Variants in PDE1C observed in about 807,000 individuals in gnomAD.
PDE1C encodes phosphodiesterase 1C, also known as dual specificity calcium/calmodulin-dependent 3',5'-cyclic nucleotide phosphodiesterase 1C.
In PDE1C, 62 loss-of-function variants were observed where a neutral mutation model predicts 93.1. The ratio of observed to expected loss-of-function variants is 0.67; its 90% confidence interval spans 0.54 to 0.82. The LOEUF is 0.82. Ranked by LOEUF, PDE1C falls within the 40% of genes least tolerant of loss-of-function variation. The probability of loss-of-function intolerance (pLI) is 0.00; values close to 1 mark genes in which losing one functional copy is unlikely to be tolerated. For synonymous variants in PDE1C, 325 were observed against 310.1 expected (o/e 1.05, Z -0.50); for missense variants, 742 against 884.6 (o/e 0.84, Z 2.04).
intron 1 of PDE1C, among the ~76,000 whole-genome samples, chr7:32,408,868 G>A (rs1466624108): frequency 6.6e-6 from 1 of 152,124 alleles, no homozygotes; most frequent in Non-Finnish European, 1.5e-5. Flanking sequence ...AAGTCTAGAT[G>A]AAAAAGAAAA....
intron 1 of PDE1C, among the ~76,000 whole-genome samples, chr7:32,067,240 C>G (rs544791617): frequency 5.9e-5 from 9 of 152,232 alleles, no homozygotes; most frequent in African/African-American, 2.2e-4. Flanking sequence ...ATATGTAAAA[C>G]AGCTCTATGT....
chr7:32,174,004 C>G (rs1238961038), intron 2 of PDE1C, among the ~76,000 whole-genome samples: 1 of 152,174 alleles, frequency 6.6e-6, no homozygotes, highest in East Asian at 1.9e-4. Flanking sequence ...TGGAAGGAAA[C>G]AGATTCCTCA....
At chr7:31,799,352 T>C (rs73686973) in intron 16 of PDE1C, among the ~76,000 whole-genome samples, 1,752 of 151,786 alleles carry the variant, frequency 0.012, 34 homozygotes, top group African/African-American at 0.04. Context: ...CCTCACCCTA[T>C]AGGCAACTAA....
rs147441888 is a variant in PDE1C, at chr7:32,212,207, C to T, written c.86-2668G>A. Among the ~76,000 whole-genome samples, 465 of 152,146 alleles carry T rather than the reference C, an allele frequency of 3.1e-3. 4 individuals are homozygous for T. The highest frequency in any genetic ancestry group is 5.0e-3 in the Non-Finnish European group (343 of 67,994). On this transcript the variant is annotated intron_variant, in intron 1 of 18. Coordinates refer to the PDE1C transcript ENST00000396193. ...CTCAGCTTGGAGTGTGCACATTCTC[C>T]AAGAGTGTGCACATTCCTCCAAGAA...
intron 3 of PDE1C, among the ~76,000 whole-genome samples, chr7:32,141,734 G>T (rs1012861510): frequency 4.6e-5 from 7 of 152,116 alleles, no homozygotes; most frequent in Admixed American, 4.6e-4. Flanking sequence ...AAAGGACATT[G>T]GTAGGGAAAT....
intron 14 of PDE1C, among the ~76,000 whole-genome samples, chr7:31,819,692 A>G (rs963769894): frequency 2.0e-5 from 3 of 152,030 alleles, no homozygotes; most frequent in African/African-American, 7.2e-5. Flanking sequence ...GTTCTACCCC[A>G]CAATGCATGT....
intron 1 of PDE1C, among the ~76,000 whole-genome samples, chr7:32,054,207 C>T (rs919946795): frequency 6.6e-6 from 1 of 152,152 alleles, no homozygotes; most frequent in Non-Finnish European, 1.5e-5. Flanking sequence ...TGAAACCTCT[C>T]TGACACCGTT....
chr7:32,001,035 A>C (rs1461391345), intron 2 of PDE1C, among the ~76,000 whole-genome samples: 1 of 151,886 alleles, frequency 6.6e-6, no homozygotes, highest in Non-Finnish European at 1.5e-5. Flanking sequence ...GGGAGGGTGG[A>C]GACAGCAAAA....
Position 32,126,657 on chromosome 7 carries a change from T to C in PDE1C, c.308+43128A>G, listed in dbSNP as rs370992150. Reference sequence around the variant, plus strand: ...GCAGAAAACAATTTTAGATAACTATTTGTCATCCCCAATATCATAGTACAA... The same window carrying C: ...GCAGAAAACAATTTTAGATAACTATCTGTCATCCCCAATATCATAGTACAA... On this transcript the variant is annotated intron_variant, in intron 3 of 18. Coordinates refer to the PDE1C transcript ENST00000396193. 5.3e-5 allele frequency among the ~76,000 whole-genome samples: 8 copies of C among 152,274 alleles called. No homozygotes were observed. In the East Asian group the frequency reaches 5.8e-4, roughly 11 times the overall value.
chr7:32,271,849 G>T (rs1023925102), intron 1 of PDE1C, among the ~76,000 whole-genome samples: 2 of 152,196 alleles, frequency 1.3e-5, no homozygotes, highest in Non-Finnish European at 2.9e-5. Flanking sequence ...ACATGCAGCA[G>T]GACTTTTTGC....
intron 2 of PDE1C, among the ~76,000 whole-genome samples, chr7:31,908,527 C>T (rs896398140): frequency 6.6e-6 from 1 of 152,100 alleles, no homozygotes; most frequent in Non-Finnish European, 1.5e-5. Flanking sequence ...CTGTGCCATG[C>T]CACATATATA....
At chr7:32,155,034 G>A (rs775804708) in intron 3 of PDE1C, among the ~76,000 whole-genome samples, 11 of 152,240 alleles carry the variant, frequency 7.2e-5, no homozygotes, top group Non-Finnish European at 1.3e-4. Context: ...GGAAATGGCA[G>A]GAAATGAGCA....
intron 3 of PDE1C, among the ~76,000 whole-genome samples, chr7:32,130,887 T>C (rs1012025240): frequency 6.6e-6 from 1 of 152,114 alleles, no homozygotes; most frequent in African/African-American, 2.4e-5. Flanking sequence ...CCTCATCTCA[T>C]GATCTGCCCA....
intron 3 of PDE1C, among the ~76,000 whole-genome samples, chr7:32,117,622 C>T (rs894941127): frequency 6.6e-5 from 10 of 152,178 alleles, no homozygotes; most frequent in African/African-American, 2.4e-4. Context: ...CATGTGCATA[C>T]CAGGATCTAC....
chr7:32,308,179 G>C (rs967600960), intron 1 of PDE1C, among the ~76,000 whole-genome samples: 3 of 152,252 alleles, frequency 2.0e-5, no homozygotes, highest in Non-Finnish European at 4.4e-5. Flanking sequence ...CAGCAAGGCT[G>C]GGGGAGGGGC....
At chr7:31,754,127 T>C (rs531680692) in intron 17 of PDE1C, among the ~76,000 whole-genome samples, 2 of 152,286 alleles carry the variant, frequency 1.3e-5, no homozygotes, top group South Asian at 4.1e-4. Flanking sequence ...GATGTATGTG[T>C]CAAATAAGCA....
chr7:32,023,570 T>A lies in PDE1C; in HGVS notation c.128+27984A>T, dbSNP rs374526757. ...AATCGTAAGACAAAATTTTGGCACA[T>A]CCGTACCGTGGATGACTATTTAGCA... On this transcript the variant is annotated intron_variant, in intron 2 of 17. Coordinates refer to ENST00000396191, the MANE Select transcript of PDE1C (RefSeq NM_001191057.4). Among the ~76,000 whole-genome samples the A allele has an allele frequency of 9.9e-5, 15 of 151,952 alleles. 3 individuals are homozygous for A. Among genetic ancestry groups the A allele is most frequent in the Admixed American group, 6.6e-5 (1 of 15,244 alleles).
chr7:32,066,177 C>T (rs937943538), intron 1 of PDE1C, among the ~76,000 whole-genome samples: 2 of 152,168 alleles, frequency 1.3e-5, no homozygotes, highest in Admixed American at 1.3e-4. Context: ...GATCCATACC[C>T]TACTTGAAAC....
At chr7:31,668,250 T>C in the PDE1C span, among the ~76,000 whole-genome samples, 18 of 152,136 alleles carry the variant, frequency 1.2e-4, no homozygotes, top group African/African-American at 3.4e-4. Flanking sequence ...TTGTAGCCAC[T>C]TTAGAAAATA....
Sources: allele counts gnomAD v4.1 joint callset (sites outside exome capture counted in the v4.1 genomes callset), GRCh38; gene constraint gnomAD v4.1.1; transcripts MANE v1.5; gene names NCBI Gene and HGNC (gene_info 2026-07-23, HGNC 2026-07-21).